Variants in PDE4D observed in about 807,000 individuals in gnomAD.
PDE4D encodes 3',5'-cyclic-AMP phosphodiesterase 4D.
In PDE4D, 24 loss-of-function variants were observed where a neutral mutation model predicts 87.4. The observed-to-expected ratio is 0.27, with a 90% CI of 0.20 to 0.39. The LOEUF is 0.39. Ranked by LOEUF, PDE4D falls within the 10% of genes least tolerant of loss-of-function variation. PDE4D has a pLI of 1.00. For synonymous variants in PDE4D, 384 were observed against 383.2 expected (o/e 1.00, Z -0.02); for missense variants, 714 against 1,041.0 (o/e 0.69, Z 4.32).
At chr5:60,358,657 C>T (rs778026831) in intron 1 of PDE4D, among the ~76,000 whole-genome samples, 4 of 152,004 alleles carry the variant, frequency 2.6e-5, no homozygotes, top group Non-Finnish European at 2.9e-5. Flanking sequence ...TCCAGACCAG[C>T]GACATAATTT....
intron 1 of PDE4D, among the ~76,000 whole-genome samples, chr5:60,329,447 T>TTAA (rs373708385): frequency 1.2e-3 from 189 of 152,314 alleles, no homozygotes; most frequent in African/African-American, 2.6e-3. Context: ...TGTGAGTCAA[T>TTAA]TAAACCTCTT....
intron 2 of PDE4D, among the ~76,000 whole-genome samples, chr5:60,067,507 A>G (rs1456301275): frequency 6.6e-6 from 1 of 152,118 alleles, no homozygotes; most frequent in African/African-American, 2.4e-5. Flanking sequence ...TGAGTTTAAG[A>G]AAAGAAAGGA....
intron 3 of PDE4D, chr5:59,987,291 C>G (rs565476433): frequency 1.3e-5 from 2 of 152,326 alleles, no homozygotes; most frequent in East Asian, 3.9e-4. Flanking sequence ...AAATTCCCAT[C>G]TGCTTTAGTA....
intron 1 of PDE4D, among the ~76,000 whole-genome samples, chr5:59,695,156 T>C (rs1021843038): frequency 6.6e-6 from 1 of 151,634 alleles, no homozygotes; most frequent in Non-Finnish European, 1.5e-5. Context: ...TTATTTATCA[T>C]AGAACCCAAA....
intron 1 of PDE4D, among the ~76,000 whole-genome samples, chr5:59,307,696 A>G (rs1771683412): frequency 1.3e-5 from 2 of 151,738 alleles, no homozygotes. Flanking sequence ...GCAATCATTC[A>G]AAAGTCAGGA....
At chr5:59,922,476 A>G (rs73099594) in intron 3 of PDE4D, among the ~76,000 whole-genome samples, 3,242 of 152,196 alleles carry the variant, frequency 0.021, 118 homozygotes, top group African/African-American at 0.075. Context: ...GAGAGGGAAG[A>G]GTAGAGGCCT....
At chr5:59,387,968 T>A (rs34433570) in intron 1 of PDE4D, among the ~76,000 whole-genome samples, 13,567 of 152,162 alleles carry the variant, frequency 0.089, 715 homozygotes, top group Middle Eastern at 0.16. Context: ...CCATCAGCCC[T>A]GGTTAACAAC....
chr5:60,248,910 G>A (rs752336793), intron 1 of PDE4D, among the ~76,000 whole-genome samples: 4 of 151,988 alleles, frequency 2.6e-5, no homozygotes, highest in Non-Finnish European at 4.4e-5. Context: ...AACAACAGCA[G>A]CATACCTGAT....
At chr5:60,300,634 C>T (rs1753812574) in intron 1 of PDE4D, among the ~76,000 whole-genome samples, 1 of 152,168 alleles carries the variant, frequency 6.6e-6, no homozygotes, top group African/African-American at 2.4e-5. Flanking sequence ...CCCGTTCTCC[C>T]ACCACCATTT....
intron 6 of PDE4D, among the ~76,000 whole-genome samples, chr5:59,028,603 C>A (rs549789158): frequency 1.3e-5 from 2 of 151,756 alleles, no homozygotes; most frequent in Admixed American, 6.6e-5. Flanking sequence ...TGGTAAAAGG[C>A]AGAGAATGAA....
chr5:59,584,325 T>C (rs368460709), intron 1 of PDE4D, among the ~76,000 whole-genome samples: 1 of 152,158 alleles, frequency 6.6e-6, no homozygotes, highest in East Asian at 1.9e-4. Context: ...TTCCTTTGAG[T>C]CCAACATCAT....
chr5:60,047,717 A>G (rs1281350870), intron 2 of PDE4D, among the ~76,000 whole-genome samples: 1 of 152,130 alleles, frequency 6.6e-6, no homozygotes, highest in Non-Finnish European at 1.5e-5. Context: ...GTTTGATTGC[A>G]CTGTGGTCTG....
intron 1 of PDE4D, among the ~76,000 whole-genome samples, chr5:59,421,853 T>C (rs1794533765): frequency 6.6e-6 from 1 of 152,064 alleles, no homozygotes; most frequent in Non-Finnish European, 1.5e-5. Flanking sequence ...ACTTTTGTAC[T>C]CTCAGTTGAA....
At chr5:59,895,437 C>T (rs1397319750), upstream of PDE4D, among the ~76,000 whole-genome samples, 1 of 152,198 alleles carries the variant, frequency 6.6e-6, no homozygotes, top group East Asian at 1.9e-4. Flanking sequence ...AGAAACAAGG[C>T]AATCTCCTAA....
intron 2 of PDE4D, among the ~76,000 whole-genome samples, chr5:60,121,561 A>G (rs994011718): frequency 3.3e-5 from 5 of 152,160 alleles, no homozygotes; most frequent in Non-Finnish European, 7.3e-5. Flanking sequence ...TAAAACCATC[A>G]GATCTTGTGA....
At chr5:60,113,499 T>C (rs942054499) in intron 2 of PDE4D, among the ~76,000 whole-genome samples, 16 of 152,114 alleles carry the variant, frequency 1.1e-4, no homozygotes, top group Non-Finnish European at 1.9e-4. Context: ...AGGGGTCACG[T>C]GGAGGCCTCG....
rs1207096418 is a variant in PDE4D at position 59,893,333 on chromosome 5, G to C, written c.290C>G (p.Ser97Trp). 13 of 1,489,440 alleles carry C rather than the reference G, an allele frequency of 8.7e-6. No individual in the cohort carries two copies. In the East Asian group the frequency reaches 1.7e-4, roughly 20 times the overall value. The allele number at this position is 1,489,440 out of a possible 1,614,324, so 92.3% of individuals were successfully genotyped here. A position where few individuals can be genotyped will look rare whatever the true frequency, so the allele number is the denominator to read the frequency against. ...PPGAARGRYA[S>W]SGATGRVRHR... is the part of the protein sequence containing the mutation. ...CCGGACGCGGCCGGTGGCCCCGCTC[G>C]AGGCGTAGCGGCCGCGGGCAGCCCC... The change falls in exon 1 of 15, where the codon TCG (serine) becomes TGG (tryptophan). Residue 97 changes from serine (S) to tryptophan (W), a missense_variant. Ser to Trp is a radical substitution (Grantham distance 177). Around this residue, in one of 7 missense-constraint regions of PDE4D, gnomAD observed 268 missense variants for 272.9 expected, o/e 0.98. Transcript: ENST00000340635.
chr5:60,110,191 A>T (rs1777529883), intron 2 of PDE4D, among the ~76,000 whole-genome samples: 1 of 152,104 alleles, frequency 6.6e-6, no homozygotes, highest in South Asian at 2.1e-4. Context: ...TAAACTAAAA[A>T]GTTTCTGTAC....
Position 59,234,144 on chromosome 5 carries a change from C to T in PDE4D, c.456-18176G>A, listed in dbSNP as rs184557569. On this transcript the variant is annotated intron_variant, in intron 1 of 14. Transcript: ENST00000340635. ...TTCTCAAATAAAAAATCAAGTTTTA[C>T]TTCTCCAGCCATTAAAATTTCTCTC... is the stretch of plus-strand genomic sequence containing the variant. 5.3e-3 allele frequency among the ~76,000 whole-genome samples: 802 copies of T among 152,202 alleles called. 9 individuals carry two copies. The highest frequency in any genetic ancestry group is 0.01 in the Middle Eastern group (3 of 294).
Sources: gnomAD v4.1 joint callset for allele counts (sites outside exome capture counted in the v4.1 genomes callset) on GRCh38, gnomAD v4.1.1 for gene constraint, gnomAD v4.1.1 regional missense constraint, MANE v1.5 for transcripts, NCBI Gene and HGNC (gene_info 2026-07-23, HGNC 2026-07-21) for gene names.